MYOM2: variants seen among roughly 807,000 people sequenced by gnomAD.
MYOM2 encodes the protein myomesin-2.
Under a neutral mutation model 187.6 loss-of-function variants are expected in MYOM2, and 254 were observed. The ratio of observed to expected loss-of-function variants is 1.35; its 90% CI spans 1.22 to 1.50. MYOM2 has a LOEUF of 1.50. Among genes scored for constraint, MYOM2 ranks in the 40% most tolerant of loss-of-function variants. MYOM2 has a pLI of 0.00. For missense variants in MYOM2, 2,796 were observed against 1,924.0 expected (o/e 1.45, Z -8.48); for synonymous variants, 981 against 753.8 (o/e 1.30, Z -4.94).
intron 21 of MYOM2, among the ~76,000 whole-genome samples, chr8:2,103,914 A>G (rs1291993443): frequency 1.3e-5 from 2 of 152,136 alleles, no homozygotes; most frequent in Non-Finnish European, 2.9e-5. Context: ...GTGTGCATGT[A>G]TGGATGGGTG....
At chr8:2,119,601 G>C (rs1190705544) in intron 28 of MYOM2, 1 of 144,392 alleles carries the variant, frequency 6.9e-6, no homozygotes, top group Non-Finnish European at 1.5e-5. Flanking sequence ...ACACAAGGGG[G>C]GATACGAGCA....
At chr8:2,131,125 A>G (rs553540685) in intron 32 of MYOM2, among the ~76,000 whole-genome samples, 8 of 152,296 alleles carry the variant, frequency 5.3e-5, no homozygotes, top group African/African-American at 1.7e-4. Context: ...ACACCCACAC[A>G]CAGGATTAAA....
chr8:2,114,628 C>A (rs1241474956), intron 25 of MYOM2, among the ~76,000 whole-genome samples: 1 of 152,134 alleles, frequency 6.6e-6, no homozygotes, highest in Admixed American at 6.5e-5. Context: ...CGCCACCACA[C>A]CTGGCTAATT....
intron 18 of MYOM2, among the ~76,000 whole-genome samples, chr8:2,098,365 C>G (rs1021439286): frequency 3.3e-5 from 5 of 152,228 alleles, no homozygotes; most frequent in African/African-American, 1.2e-4. Context: ...ACCCCAGGGA[C>G]ATGGGCAGCC....
At chr8:2,090,515 T>G (rs13251683) in intron 15 of MYOM2, among the ~76,000 whole-genome samples, 119,805 of 152,072 alleles carry the variant, frequency 0.79, 47,913 homozygotes, top group South Asian at 0.91. Flanking sequence ...GTAGGCTTCT[T>G]ACATAGGTAA....
chr8:2,098,512 C>T (rs1224860474), intron 18 of MYOM2, among the ~76,000 whole-genome samples: 5 of 152,312 alleles, frequency 3.3e-5, no homozygotes, highest in East Asian at 1.9e-4. Flanking sequence ...TCGAAGCCTC[C>T]GCCCTTGAGT....
At chr8:2,061,755 A>C (rs1442410893) in intron 6 of MYOM2, among the ~76,000 whole-genome samples, 3 of 152,240 alleles carry the variant, frequency 2.0e-5, no homozygotes, top group East Asian at 3.9e-4. Flanking sequence ...AGGGCATCCT[A>C]CCTCATTTCT....
chr8:2,057,839 AC>A, intron 5 of MYOM2, 59 bp downstream of exon 5: 1 of 1,572,264 alleles, frequency 6.4e-7, no homozygotes. Context: ...TTTCAGAAAG[AC>A]CCCAGTTAAG....
chr8:2,139,576 G>C (rs1798204441), intron 32 of MYOM2, among the ~76,000 whole-genome samples: 1 of 152,158 alleles, frequency 6.6e-6, no homozygotes, highest in African/African-American at 2.4e-5. Flanking sequence ...TGCCGGCAAG[G>C]GTAAGGAAAG....
At chr8:2,084,774 G>T (rs1436844647) in intron 13 of MYOM2, among the ~76,000 whole-genome samples, 1 of 152,176 alleles carries the variant, frequency 6.6e-6, no homozygotes, top group Non-Finnish European at 1.5e-5. Context: ...GAGCAGGCAA[G>T]GTGTTTTAGA....
At chr8:2,052,334 A>G (rs777520236) in intron 3 of MYOM2, 21 bp downstream of exon 3, 2 of 1,580,322 alleles carry the variant, frequency 1.3e-6, no homozygotes, top group East Asian at 2.3e-5. Context: ...GGCTTCCCTG[A>G]CTCCACTTGT....
chr8:2,078,879 A>G lies in MYOM2; in HGVS notation c.1408A>G (p.Arg470Gly). The change falls in exon 12 of 37, where the codon AGG becomes GGG. Residue 470 changes from arginine (R) to glycine (G), a missense_variant. Physicochemically the swap from Arg to Gly is moderately radical, Grantham distance 125. Coordinates refer to ENST00000262113, the MANE Select transcript of MYOM2 (RefSeq NM_003970.4). ...VNSAGISRPS[R>G]VSDAVAALDP... ...CAGTGCGGGCATCAGCCGACCCTCC[A>G]GGGTCTCTGATGCGGTGGCTGCACT... is the stretch of plus-strand genomic sequence containing the variant. 2 of 1,614,062 alleles carry G rather than the reference A, an allele frequency of 1.2e-6. No homozygotes were observed. Among genetic ancestry groups the G allele is most frequent in the East Asian group, 2.2e-5 (1 of 44,880 alleles).
At chr8:2,115,198 A>C (rs1479663385) in intron 25 of MYOM2, among the ~76,000 whole-genome samples, 1 of 151,984 alleles carries the variant, frequency 6.6e-6, no homozygotes, top group Admixed American at 6.6e-5. Context: ...AACAAAACAT[A>C]AAAAAGAGAA....
intron 32 of MYOM2, among the ~76,000 whole-genome samples, chr8:2,130,974 TAC>T (rs1281428976): frequency 6.6e-6 from 1 of 152,246 alleles, no homozygotes; most frequent in East Asian, 1.9e-4. Context: ...CTGTAAGTTG[TAC>T]ACACTTGCAA....
chr8:2,052,190 C>G lies in MYOM2; in HGVS notation c.140C>G (p.Ser47Cys), dbSNP rs777054185. Residue 47 changes from serine (S) to cysteine (C), a missense_variant, in exon 3 of 37, where the codon TCC becomes TGC. Coordinates refer to ENST00000262113, the MANE Select transcript of MYOM2 (RefSeq NM_003970.4). ...TCCACCCAGGCATCTTCCCAGAAGT[C>G]CTTGAGTCAGCGGTCGTCTTCACAG... The part of the protein sequence containing the change: ...RASTQASSQK[S>C]LSQRSSSQRA... 1.9e-6 allele frequency: 3 copies of G among 1,613,488 alleles called. No individual in the cohort carries two copies. Among genetic ancestry groups the G allele is most frequent in the Non-Finnish European group, 2.5e-6 (3 of 1,179,802 alleles).
In MYOM2 at chr8:2,096,391, G is replaced by A. The variant is rs186567937; in HGVS notation, c.2270G>A (p.Trp757Ter). 1.2e-6 allele frequency: 2 copies of A among 1,614,218 alleles called. No homozygotes were observed. Among genetic ancestry groups the A allele is most frequent in the African/African-American group, 1.3e-5 (1 of 75,060 alleles). ...LDKREVHHKN[W>*]HEVNSSPSKP... ...AAGCGTGAAGTTCACCATAAAAACT[G>A]GCACGAGGTCAATTCCTCACCCAGC... Residue 757 changes from tryptophan to a stop codon, truncating the protein, a stop_gained, in exon 18 of 37, where the codon TGG becomes TAG. Coordinates refer to ENST00000262113, the MANE Select transcript of MYOM2 (RefSeq NM_003970.4). LOFTEE classifies it high-confidence loss of function.
At chr8:2,060,844 C>T (rs1818828875) in intron 6 of MYOM2, among the ~76,000 whole-genome samples, 1 of 152,024 alleles carries the variant, frequency 6.6e-6, no homozygotes, top group African/African-American at 2.4e-5. Flanking sequence ...CTTCAAGGAC[C>T]ACAGGGAGGG....
chr8:2,107,832 G>A (rs912262155), intron 23 of MYOM2, among the ~76,000 whole-genome samples: 3 of 152,164 alleles, frequency 2.0e-5, no homozygotes, highest in Non-Finnish European at 2.9e-5. Flanking sequence ...CTGAAAAGCT[G>A]TGCATTCCTC....
chr8:2,086,902 A>G (rs2116715091), intron 14 of MYOM2, among the ~76,000 whole-genome samples: 1 of 152,152 alleles, frequency 6.6e-6, no homozygotes, highest in South Asian at 2.1e-4. Flanking sequence ...CACAAGACGC[A>G]GAAGGGTTAG....
Sources: gnomAD v4.1 joint callset for allele counts (sites outside exome capture counted in the v4.1 genomes callset) on GRCh38, gnomAD v4.1.1 for gene constraint, MANE v1.5 for transcripts, NCBI Gene and HGNC (gene_info 2026-07-23, HGNC 2026-07-21) for gene names.